Variants in FARP1 observed in about 807,000 individuals in gnomAD.
FARP1 encodes the protein FERM, ARHGEF and pleckstrin domain-containing protein 1.
A neutral mutation model predicts 128.8 loss-of-function variants in FARP1; 52 were observed. That is an observed-to-expected ratio of 0.40 (90% CI 0.32 to 0.51). FARP1 has a LOEUF of 0.51. Among genes scored for constraint, FARP1 ranks in the 20% least tolerant of loss-of-function variants. FARP1 has a pLI of 0.45. For missense variants in FARP1, 1,333 were observed against 1,367.9 expected (o/e 0.97, Z 0.40); for synonymous variants, 580 against 551.8 (o/e 1.05, Z -0.72).
chr13:98,157,274 C>T (rs1876559877), intron 1 of FARP1, among the ~76,000 whole-genome samples: 1 of 151,990 alleles, frequency 6.6e-6, no homozygotes, highest in Admixed American at 6.6e-5. Flanking sequence ...GGTGTTTTTG[C>T]CCCATTTTAT....
intron 2 of FARP1, among the ~76,000 whole-genome samples, chr13:98,324,615 G>A (rs1381475045): frequency 6.6e-6 from 1 of 152,202 alleles, no homozygotes; most frequent in East Asian, 1.9e-4. Flanking sequence ...AAAAAAAGGC[G>A]ATGTACTCAC....
intron 1 of FARP1, among the ~76,000 whole-genome samples, chr13:98,211,197 G>A (rs1880683384): frequency 6.6e-6 from 1 of 152,188 alleles, no homozygotes; most frequent in Non-Finnish European, 1.5e-5. Context: ...CCCAGATCCT[G>A]GGCCGTGGAC....
At chr13:98,272,549 T>C (rs773869711) in intron 2 of FARP1, among the ~76,000 whole-genome samples, 8 of 152,190 alleles carry the variant, frequency 5.3e-5, no homozygotes, top group Non-Finnish European at 1.0e-4. Flanking sequence ...CACTAGGGGC[T>C]CAATATTAAC....
intron 2 of FARP1, among the ~76,000 whole-genome samples, chr13:98,307,354 A>G (rs1886211357): frequency 6.6e-6 from 1 of 152,186 alleles, no homozygotes; most frequent in South Asian, 2.1e-4. Flanking sequence ...TGGAGTTGAC[A>G]GAACTAATAC....
At chr13:98,316,863 G>A (rs571887565) in intron 2 of FARP1, among the ~76,000 whole-genome samples, 1 of 152,240 alleles carries the variant, frequency 6.6e-6, no homozygotes, top group African/African-American at 2.4e-5. Context: ...ATTAACTCCC[G>A]CTCAGAAGCA....
At chr13:98,406,904 G>A (rs1427234076) in intron 13 of FARP1, 3 of 152,572 alleles carry the variant, frequency 2.0e-5, no homozygotes, top group Admixed American at 6.5e-5. Context: ...TTTGAGAGTG[G>A]AGGTGGCTGT....
chr13:98,164,212 A>C (rs920168169), intron 1 of FARP1, among the ~76,000 whole-genome samples: 23 of 152,172 alleles, frequency 1.5e-4, no homozygotes. Flanking sequence ...GCATATGGAT[A>C]GTTTGCCTCC....
intron 3 of FARP1, among the ~76,000 whole-genome samples, chr13:98,346,868 G>C (rs920053967): frequency 6.6e-6 from 1 of 152,200 alleles, no homozygotes; most frequent in African/African-American, 2.4e-5. Flanking sequence ...TCTGGATGCT[G>C]GTTCCGTGGA....
chr13:98,374,524 C>T (rs1452508731), intron 5 of FARP1, among the ~76,000 whole-genome samples: 3 of 152,156 alleles, frequency 2.0e-5, no homozygotes, highest in Non-Finnish European at 4.4e-5. Context: ...AAGTTAGTCC[C>T]TCATTTTCTT....
intron 1 of FARP1, among the ~76,000 whole-genome samples, chr13:98,204,946 TA>T (rs35462708): frequency 4.0e-5 from 6 of 150,262 alleles, no homozygotes; most frequent in African/African-American, 9.8e-5. Context: ...AGACCCTATC[TA>T]AAAAAAAAAT....
intron 3 of FARP1, among the ~76,000 whole-genome samples, chr13:98,364,826 C>G (rs1889016172): frequency 6.6e-6 from 1 of 152,230 alleles, no homozygotes; most frequent in Non-Finnish European, 1.5e-5. Context: ...GTGTCACTCT[C>G]TAGCTGAGGG....
At chr13:98,377,550 G>A (rs1889646330) in intron 5 of FARP1, among the ~76,000 whole-genome samples, 1 of 152,174 alleles carries the variant, frequency 6.6e-6, no homozygotes, top group South Asian at 2.1e-4. Flanking sequence ...TATATAGCAT[G>A]CTAGGTTATG....
chr13:98,378,040 T>G, intron 6 of FARP1, 122 bp downstream of exon 6: 1 of 735,256 alleles, frequency 1.4e-6, no homozygotes, highest in Non-Finnish European at 2.3e-6. Context: ...TTTTTGCTGT[T>G]CGTATGAAGG....
chr13:98,232,285 A>G (rs1228554027), intron 2 of FARP1, among the ~76,000 whole-genome samples: 2 of 151,790 alleles, frequency 1.3e-5, no homozygotes, highest in African/African-American at 4.8e-5. Flanking sequence ...TTTGTTTTGA[A>G]GGAGAACTGC....
At chr13:98,261,739 C>T (rs778245829) in intron 2 of FARP1, among the ~76,000 whole-genome samples, 12 of 152,104 alleles carry the variant, frequency 7.9e-5, no homozygotes, top group Non-Finnish European at 1.8e-4. Flanking sequence ...AGGCATGCTT[C>T]GAATTTCTCT....
chr13:98,377,936 CCTTTGAAAA>C lies in FARP1; in HGVS notation c.496+19_496+27del. 6.4e-7 allele frequency: 1 copy of C among 1,559,144 alleles called. No homozygotes were observed. Among genetic ancestry groups the C allele is most frequent in the Non-Finnish European group, 8.8e-7 (1 of 1,130,500 alleles). ...TGTGCAATGTAAGTTCTATTGGTTT[CCTTTGAAAA>C]TCATGTTCAAAATAACACAGTGATC... On this transcript the variant is annotated intron_variant, in intron 6 of 26. Transcript: ENST00000319562.
intron 2 of FARP1, among the ~76,000 whole-genome samples, chr13:98,342,812 GTGGGGAGTT>G (rs1888024765): frequency 6.6e-6 from 1 of 152,006 alleles, no homozygotes; most frequent in Admixed American, 6.6e-5. Flanking sequence ...ATCACCTGAG[GTGGGGAGTT>G]TGAGACCAGC....
At chr13:98,245,127 C>T in intron 2 of FARP1, 1 of 993,812 alleles carries the variant, frequency 1.0e-6, no homozygotes, top group South Asian at 4.6e-5. Flanking sequence ...TAAATGTTAA[C>T]TGGAATTGCT....
chr13:98,142,846 C>G (rs1354414894), upstream of FARP1: 1 of 152,048 alleles, frequency 6.6e-6, no homozygotes, highest in Non-Finnish European at 1.5e-5. Context: ...CATTAGGTAG[C>G]GCCGCGCGGA....
Sources: allele counts gnomAD v4.1 joint callset (sites outside exome capture counted in the v4.1 genomes callset), GRCh38; gene constraint gnomAD v4.1.1; transcripts MANE v1.5; gene names NCBI Gene and HGNC (gene_info 2026-07-23, HGNC 2026-07-21).